The following DACH2 variants were observed in gnomAD, a reference collection of about 807,000 sequenced individuals.
The protein encoded by DACH2 is dachshund homolog 2.
DACH2 carries 17 observed loss-of-function variants against 35.8 expected under a neutral mutation model. The observed-to-expected ratio is 0.48, with a 90% confidence interval of 0.33 to 0.71. The LOEUF is 0.71. DACH2 is among the 30% of genes least tolerant of loss of function. The probability of loss-of-function intolerance (pLI) is 0.02; values close to 1 mark genes in which losing one functional copy is unlikely to be tolerated. For synonymous variants in DACH2, 195 were observed against 177.3 expected (o/e 1.10, Z -0.79); for missense variants, 469 against 472.7 (o/e 0.99, Z 0.07).
intron 1 of DACH2, among the ~76,000 whole-genome samples, chrX:86,194,729 C>T (rs2031929968): frequency 8.9e-6 from 1 of 112,589 alleles, no homozygotes; most frequent in Non-Finnish European, 1.9e-5. Flanking sequence ...ATGTGGAGCC[C>T]AGAGGGTTTG....
At chrX:86,379,711 AT>A (rs1269591053) in intron 2 of DACH2, among the ~76,000 whole-genome samples, 2 of 111,240 alleles carry the variant, frequency 1.8e-5, no homozygotes, top group Non-Finnish European at 3.8e-5. Flanking sequence ...CTAGAAAAAA[AT>A]CTCATTCCTT....
At chrX:86,799,102 G>A (rs914735241) in intron 7 of DACH2, 3 of 327,531 alleles carry the variant, frequency 9.2e-6, no homozygotes, top group South Asian at 6.2e-5. Flanking sequence ...CAAATAAAAA[G>A]CTAGAAGCTG....
intron 5 of DACH2, among the ~76,000 whole-genome samples, chrX:86,696,482 A>G (rs910106846): frequency 8.9e-6 from 1 of 112,244 alleles, no homozygotes; most frequent in Non-Finnish European, 1.9e-5. Flanking sequence ...AGGGTAATTT[A>G]GAAGACTTTG....
intron 7 of DACH2, among the ~76,000 whole-genome samples, chrX:86,805,603 C>T (rs1001609667): frequency 9.0e-6 from 1 of 110,541 alleles, no homozygotes; most frequent in African/African-American, 3.3e-5. Flanking sequence ...ATTTTCCAAA[C>T]TTTTATGCCC....
intron 1 of DACH2, among the ~76,000 whole-genome samples, chrX:86,375,064 T>C (rs2035942872): frequency 9.1e-6 from 1 of 109,509 alleles, no homozygotes; most frequent in Non-Finnish European, 1.9e-5. Context: ...TTATAGCTAG[T>C]TTGTTAAGCA....
intron 2 of DACH2, among the ~76,000 whole-genome samples, chrX:86,417,329 T>A (rs1418470466): frequency 9.0e-6 from 1 of 111,121 alleles, no homozygotes; most frequent in Non-Finnish European, 1.9e-5. Context: ...TACTAAATTG[T>A]TTTAAAGTAT....
At chrX:86,390,757 T>C (rs1302779403) in intron 2 of DACH2, among the ~76,000 whole-genome samples, 1 of 108,341 alleles carries the variant, frequency 9.2e-6, no homozygotes, top group Non-Finnish European at 1.9e-5. Context: ...ACCTGGCTAA[T>C]TTTTGTATTT....
intron 1 of DACH2, among the ~76,000 whole-genome samples, chrX:86,293,731 T>C (rs1387583835): frequency 7.2e-5 from 8 of 111,508 alleles, no homozygotes; most frequent in African/African-American, 2.6e-4. Context: ...TTCTTTTCTT[T>C]AAGAATGTTG....
At chrX:86,749,298 G>A (rs939800488) in intron 7 of DACH2, among the ~76,000 whole-genome samples, 1 of 112,025 alleles carries the variant, frequency 8.9e-6, no homozygotes, top group East Asian at 2.8e-4. Context: ...CTAGCTTTCA[G>A]CCTATCTTGG....
chrX:86,830,023 A>G (rs916895603), intron 11 of DACH2: 1 of 111,300 alleles, frequency 9.0e-6, no homozygotes, highest in Non-Finnish European at 1.9e-5. Flanking sequence ...TCCATTACTA[A>G]TTAGCTGTTT....
intron 1 of DACH2, among the ~76,000 whole-genome samples, chrX:86,250,489 C>G (rs2033377329): frequency 2.7e-5 from 3 of 110,989 alleles, no homozygotes; most frequent in African/African-American, 9.8e-5. Context: ...TATATGGATA[C>G]ACAAAAAATC....
intron 1 of DACH2, among the ~76,000 whole-genome samples, chrX:86,208,774 T>TTTA (rs778303619): frequency 8.9e-5 from 10 of 111,785 alleles, no homozygotes; most frequent in Non-Finnish European, 1.5e-4. Flanking sequence ...TGAGCAAGCA[T>TTTA]TTATTGGACA....
chrX:86,404,925 A>G (rs2036500479), intron 2 of DACH2, among the ~76,000 whole-genome samples: 1 of 112,263 alleles, frequency 8.9e-6, no homozygotes, highest in Non-Finnish European at 1.9e-5. Context: ...CATAGGCTCA[A>G]CACCATGTGG....
intron 1 of DACH2, among the ~76,000 whole-genome samples, chrX:86,330,335 T>A (rs765338745): frequency 3.6e-5 from 4 of 112,094 alleles, no homozygotes; most frequent in Admixed American, 9.5e-5. Context: ...TTGAAATTAA[T>A]CATGTTTGTG....
At chrX:86,703,281 A>G (rs971896062) in intron 5 of DACH2, among the ~76,000 whole-genome samples, 1 of 111,498 alleles carries the variant, frequency 9.0e-6, no homozygotes, top group Non-Finnish European at 1.9e-5. Context: ...AAATTATAAA[A>G]GCCATATATG....
At chrX:86,756,375 T>A (rs1219075073) in intron 7 of DACH2, among the ~76,000 whole-genome samples, 4 of 111,379 alleles carry the variant, frequency 3.6e-5, no homozygotes, top group African/African-American at 9.8e-5. Flanking sequence ...GAACATGATG[T>A]CTTTTCATTT....
chrX:86,460,260 T>C (rs754931578), intron 2 of DACH2, among the ~76,000 whole-genome samples: 1 of 111,153 alleles, frequency 9.0e-6, no homozygotes, highest in South Asian at 3.8e-4. Flanking sequence ...ACATGTTATC[T>C]CAGTATAGAA....
intron 1 of DACH2, among the ~76,000 whole-genome samples, chrX:86,360,529 G>A (rs758325352): frequency 9.0e-6 from 1 of 111,193 alleles, no homozygotes; most frequent in South Asian, 3.8e-4. Context: ...AATATTTAAG[G>A]AAAAAACACA....
At chrX:86,458,071 CTGAT>C (rs1325869916) in intron 2 of DACH2, among the ~76,000 whole-genome samples, 1 of 111,765 alleles carries the variant, frequency 8.9e-6, no homozygotes, top group Non-Finnish European at 1.9e-5. Flanking sequence ...TTTGGGAAAT[CTGAT>C]TGAGAAGAAA....
Sources: allele counts gnomAD v4.1 joint callset (sites outside exome capture counted in the v4.1 genomes callset), GRCh38; gene constraint gnomAD v4.1.1; transcripts MANE v1.5; gene names NCBI Gene and HGNC (gene_info 2026-07-23, HGNC 2026-07-21).